The following P2RX7 variants were observed in gnomAD, a reference collection of about 807,000 sequenced individuals.
P2RX7 encodes P2X purinoceptor 7.
In P2RX7, 62 loss-of-function variants were observed where a neutral mutation model predicts 71.6. That is an observed-to-expected ratio of 0.87 (90% CI 0.71 to 1.07). The LOEUF is 1.07. Among genes scored for constraint, P2RX7 ranks in the 50% least tolerant of loss-of-function variants. The pLI, the probability that P2RX7 is intolerant of heterozygous loss-of-function variation, is 0.00. For synonymous variants in P2RX7, 299 were observed against 283.3 expected (o/e 1.06, Z -0.56); for missense variants, 686 against 748.5 (o/e 0.92, Z 0.97).
rs34044134 is a variant in P2RX7, at chr12:121,184,064, C to CA, written c.1291-225dup. 3.0e-3 allele frequency among the ~76,000 whole-genome samples: 389 copies of CA among 129,208 alleles called. 3 individuals carry two copies. Among genetic ancestry groups the CA allele is most frequent in the Middle Eastern group, 0.025 (6 of 244 alleles). The allele number at this position is 129,208 out of a possible 152,430, so 84.8% of individuals were successfully genotyped here. A position where few individuals can be genotyped will look rare whatever the true frequency, so the allele number is the denominator to read the frequency against. On this transcript the variant is annotated intron_variant, in intron 12 of 12. Transcript: ENST00000328963. ...TGTGCGACAGAGTGAGACCCTCTCT[C>CA]AAAAAAAAAAAAAAAATCTGTAAAA...
intron 1 of P2RX7, among the ~76,000 whole-genome samples, chr12:121,144,115 T>C (rs2136000831): frequency 6.6e-6 from 1 of 152,328 alleles, no homozygotes; most frequent in African/African-American, 2.4e-5. Context: ...GATTTGTCTT[T>C]TCTGGACAAT....
intron 7 of P2RX7, among the ~76,000 whole-genome samples, 163 bp downstream of exon 7, chr12:121,166,350 C>T (rs562491259): frequency 2.6e-5 from 4 of 152,312 alleles, no homozygotes; most frequent in East Asian, 3.9e-4. Context: ...TACCATACCT[C>T]GTCAAATCCC....
intron 1 of P2RX7, among the ~76,000 whole-genome samples, chr12:121,143,875 A>C (rs1361847439): frequency 6.6e-6 from 1 of 152,180 alleles, no homozygotes; most frequent in Non-Finnish European, 1.5e-5. Context: ...CTCTTTTTAC[A>C]ACTTTTTTGA....
rs1326857707 is a variant in P2RX7, at chr12:121,167,602, T to C, written c.859T>C (p.Leu287=). Residue 287 remains leucine (L), a synonymous_variant, in exon 8 of 13, where the codon TTG becomes CTG. Coordinates refer to ENST00000328963, the MANE Select transcript of P2RX7 (RefSeq NM_002562.6). ...TGACGACAAGACCACCAACGTGTCCTTGTACCCTGGCTACAACTTCAGGTA... is the reference window on the plus strand; with the variant it reads ...TGACGACAAGACCACCAACGTGTCCCTGTACCCTGGCTACAACTTCAGGTA... ...RLDDKTTNVS[L]YPGYNFRYAK... The C allele has an allele frequency of 2.5e-6, 4 of 1,597,924 alleles. No homozygotes were observed. Among genetic ancestry groups the C allele is most frequent in the Non-Finnish European group, 3.4e-6 (4 of 1,171,164 alleles).
At chr12:121,137,596 A>G (rs1873963424) in intron 1 of P2RX7, among the ~76,000 whole-genome samples, 1 of 152,222 alleles carries the variant, frequency 6.6e-6, no homozygotes, top group South Asian at 2.1e-4. Context: ...TGGACTATCT[A>G]TTAACGTCTC....
At chr12:121,148,931 G>T (rs777701195) in intron 1 of P2RX7, 5 of 391,266 alleles carry the variant, frequency 1.3e-5, no homozygotes, top group South Asian at 2.1e-5. Flanking sequence ...CCTGGCTTAG[G>T]TGTGAGCTAA....
At position 121,146,287 on chromosome 12, in the gene P2RX7, CTTTTTTTTTTTTTTT is replaced by C. The variant is rs35415599; in HGVS notation, c.126-8483_126-8469del. Among the ~76,000 whole-genome samples the C allele has an allele frequency of 8.7e-5, 7 of 80,484 alleles. No homozygotes were observed. The South Asian group carries it at 2.6e-3, about 30-fold the overall frequency. 52.8% of individuals were successfully genotyped at this position (80,484 alleles called of 152,430 possible). A position where few individuals can be genotyped will look rare whatever the true frequency, so the allele number is the denominator to read the frequency against. ...CCATCCTCTTATTTGTCAAGCCTCTCTTTTTTTTTTTTTTTTTTTTTTTTTTTTTGAGGAGTCTTA... is the reference window on the plus strand; with the variant it reads ...CCATCCTCTTATTTGTCAAGCCTCTCTTTTTTTTTTTTTTGAGGAGTCTTA... On this transcript the variant is annotated intron_variant, in intron 1 of 12. Coordinates refer to ENST00000328963, the MANE Select transcript of P2RX7 (RefSeq NM_002562.6).
At chr12:121,156,645 T>C (rs1389711692) in intron 3 of P2RX7, among the ~76,000 whole-genome samples, 2 of 152,064 alleles carry the variant, frequency 1.3e-5, no homozygotes, top group Non-Finnish European at 2.9e-5. Context: ...CCTACCATGG[T>C]TCACAGTGAA....
At chr12:121,156,005 C>T in intron 2 of P2RX7, 74 bp from the exon 3 acceptor site, 1 of 1,369,002 alleles carries the variant, frequency 7.3e-7, no homozygotes, top group East Asian at 2.3e-5. Flanking sequence ...GTTCGCCCAG[C>T]AAGCTGGATT....
chr12:121,184,451 T>C lies in P2RX7; in HGVS notation c.1437T>C (p.Cys479=). The part of the protein sequence containing the change: ...RSRDSPVWCQ[C]GSCLPSQLPE... ...GGGATAGCCCCGTCTGGTGCCAGTG[T>C]GGAAGCTGCCTCCCATCTCAACTCC... is the stretch of plus-strand genomic sequence containing the variant. The change falls in exon 13 of 13, where the codon TGT becomes TGC. Residue 479 remains cysteine, a synonymous_variant. Transcript: ENST00000328963. 6.2e-7 allele frequency: 1 copy of C among 1,614,126 alleles called. No individual in the cohort carries two copies. Among genetic ancestry groups the C allele is most frequent in the East Asian group, 2.2e-5 (1 of 44,866 alleles).
chr12:121,179,979 G>A (rs1013817258), intron 11 of P2RX7, among the ~76,000 whole-genome samples: 13 of 151,912 alleles, frequency 8.6e-5, no homozygotes, highest in East Asian at 1.9e-4. Context: ...GAGAAACCCC[G>A]TCTCTACTAA....
intron 1 of P2RX7, among the ~76,000 whole-genome samples, chr12:121,143,800 C>T (rs540270319): frequency 1.5e-4 from 23 of 151,532 alleles, no homozygotes; most frequent in African/African-American, 5.6e-4. Flanking sequence ...TGCAGTGAGC[C>T]GAGGTCATGG....
chr12:121,177,318 C>T lies in P2RX7; in HGVS notation c.1060C>T (p.Leu354Phe), dbSNP rs749734698. 1.9e-6 allele frequency: 3 copies of T among 1,614,066 alleles called. No homozygotes were observed. Among genetic ancestry groups the T allele is most frequent in the Non-Finnish European group, 2.5e-6 (3 of 1,180,030 alleles). The stretch of plus-strand genomic sequence containing the variant: ...CCAGGCCGCTGTGTTCATCGACTTC[C>T]TCATCGACACTTACTCCAGTAACTG... ...FGLAAVFIDF[L>F]IDTYSSNCCR... is the part of the protein sequence containing the mutation. Residue 354 changes from leucine to phenylalanine, a missense_variant, in exon 11 of 13, where the codon CTC (leucine) becomes TTC (phenylalanine). Transcript: ENST00000328963.
intron 5 of P2RX7, among the ~76,000 whole-genome samples, chr12:121,164,505 G>A (rs1251035151): frequency 6.6e-6 from 1 of 152,206 alleles, no homozygotes; most frequent in Non-Finnish European, 1.5e-5. Context: ...ACCTAGCCAG[G>A]TGCGGTGGCT....
intron 8 of P2RX7, among the ~76,000 whole-genome samples, chr12:121,172,397 A>C (rs1317664123): frequency 2.6e-5 from 4 of 152,246 alleles, no homozygotes. Flanking sequence ...TGGGAGGCTG[A>C]GGTGGGTGCA....
chr12:121,183,590 TACAC>T (rs71079032), intron 12 of P2RX7, among the ~76,000 whole-genome samples: 52 of 117,664 alleles, frequency 4.4e-4, no homozygotes, highest in African/African-American at 1.3e-3. Flanking sequence ...AAACAACAAA[TACAC>T]ACACACACAC....
chr12:121,161,140 A>T (rs914023555), intron 4 of P2RX7, among the ~76,000 whole-genome samples, 166 bp downstream of exon 4: 1 of 152,198 alleles, frequency 6.6e-6, no homozygotes, highest in Non-Finnish European at 1.5e-5. Context: ...TCCCCAGCAG[A>T]CCAGCTGCTG....
At chr12:121,171,061 T>A (rs955575281) in intron 8 of P2RX7, among the ~76,000 whole-genome samples, 1 of 152,174 alleles carries the variant, frequency 6.6e-6, no homozygotes, top group African/African-American at 2.4e-5. Flanking sequence ...GACGCGCTTC[T>A]CAGGCCCAGC....
At chr12:121,176,617 C>G (rs538409791) in intron 9 of P2RX7, among the ~76,000 whole-genome samples, 2 of 151,782 alleles carry the variant, frequency 1.3e-5, no homozygotes, top group Admixed American at 6.6e-5. Flanking sequence ...CTGGGCGTGG[C>G]GGTGGGTACT....
Sources: gnomAD v4.1 joint callset for allele counts (sites outside exome capture counted in the v4.1 genomes callset) on GRCh38, gnomAD v4.1.1 for gene constraint, MANE v1.5 for transcripts, NCBI Gene and HGNC (gene_info 2026-07-23, HGNC 2026-07-21) for gene names.